The following MUC12 variants were observed in gnomAD, a reference collection of about 807,000 sequenced individuals.
The protein encoded by MUC12 is mucin-12.
A neutral mutation model predicts 230.8 loss-of-function variants in MUC12; 172 were observed. That is an observed-to-expected ratio of 0.75 (90% confidence interval 0.66 to 0.85). MUC12 has a LOEUF of 0.85. Among genes scored for constraint, MUC12 ranks in the 40% least tolerant of loss-of-function variants. The pLI is 0.00. For missense variants in MUC12, 3,506 were observed against 5,920.6 expected, an observed-to-expected ratio of 0.59 and a Z score of 13.38; for synonymous variants, 1,259 against 2,401.9, an observed-to-expected ratio of 0.52 and a Z score of 13.91.
At position 101,013,011 on chromosome 7, in the gene MUC12, T is replaced by C; in HGVS notation, c.15507T>C (p.Tyr5169=). 2 of 1,537,320 alleles carry C rather than the reference T, an allele frequency of 1.3e-6. No homozygotes were observed. Among genetic ancestry groups the C allele is most frequent in the East Asian group, 4.9e-5 (2 of 40,922 alleles). The change falls in exon 8 of 12, where the codon TAT becomes TAC. Residue 5169 remains tyrosine, a synonymous_variant. Transcript: ENST00000536621. The part of the protein sequence containing the change: ...EQCTQKAAEG[Y]TQFYYVDVLD... The stretch of plus-strand genomic sequence containing the variant: ...GCACCCAGAAGGCTGCCGAAGGATA[T>C]ACCCAGTTCTACTATGTGGATGTCT...
At chr7:100,975,349 G>T (rs1295258896) in intron 1 of MUC12, among the ~76,000 whole-genome samples, 1 of 152,312 alleles carries the variant, frequency 6.6e-6, no homozygotes, top group African/African-American at 2.4e-5. Flanking sequence ...AGCTTAGAAA[G>T]GTGAAGCTGG....
chr7:101,012,442 G>A lies in MUC12; in HGVS notation c.15398G>A (p.Cys5133Tyr), dbSNP rs1793852138. 1 of 1,537,704 alleles carries A rather than the reference G, an allele frequency of 6.5e-7. No homozygotes were observed. Among genetic ancestry groups the A allele is most frequent in the Admixed American group, 2.0e-5 (1 of 50,968 alleles). Residue 5133 changes from cysteine (C) to tyrosine (Y), a missense_variant, in exon 6 of 12, where the codon TGC (cysteine) becomes TAC (tyrosine). Coordinates refer to ENST00000536621, the MANE Select transcript of MUC12 (RefSeq NM_001164462.2). The part of the protein sequence containing the change: ...TRTTLLDPDS[C>Y]RKAILCYSEE... ...ACAACTCTTCTTGATCCTGATTCCT[G>A]CAGAAGTAAGCTCACCTAAAACCCC...
At chr7:100,971,185 A>C (rs111931804) in intron 1 of MUC12, among the ~76,000 whole-genome samples, 14 of 1,170 alleles carry the variant, frequency 0.012, no homozygotes, top group East Asian at 0.1. Flanking sequence ...AACAAACAAA[A>C]AAAAAACAAA....
intron 1 of MUC12, among the ~76,000 whole-genome samples, chr7:100,975,747 GAAGT>G (rs1477506508): frequency 2.0e-5 from 3 of 152,248 alleles, no homozygotes; most frequent in Non-Finnish European, 4.4e-5. Context: ...GGACAGGAAG[GAAGT>G]ATTATATTAA....
chr7:100,991,249 G>A lies in MUC12; in HGVS notation c.686G>A (p.Gly229Asp). 2 of 1,537,230 alleles carry A rather than the reference G, an allele frequency of 1.3e-6. No individual in the cohort carries two copies. Among genetic ancestry groups the A allele is most frequent in the South Asian group, 1.2e-5 (1 of 84,018 alleles). Reference protein sequence around the residue: ...PESTTFHSSPGYTKTTRLPDN... With the variant: ...PESTTFHSSPDYTKTTRLPDN... The stretch of plus-strand genomic sequence containing the variant: ...TCTACTACCTTCCACAGCAGCCCAG[G>A]CTACACTAAAACAACACGCTTACCT... Residue 229 changes from glycine (G) to aspartate (D), a missense_variant, in exon 2 of 12, where the codon GGC becomes GAC. Coordinates refer to ENST00000536621, the MANE Select transcript of MUC12 (RefSeq NM_001164462.2).
intron 1 of MUC12, among the ~76,000 whole-genome samples, chr7:100,985,011 C>T (rs1793167362): frequency 6.6e-6 from 1 of 152,028 alleles, no homozygotes; most frequent in Non-Finnish European, 1.5e-5. Context: ...GGATTACAGG[C>T]ACCCGCCACC....
At chr7:100,981,404 GC>G in intron 1 of MUC12, 1 of 640,930 alleles carries the variant, frequency 1.6e-6, no homozygotes, top group South Asian at 1.7e-5. Flanking sequence ...GAGTTTGCTA[GC>G]CCAGGGGACG....
chr7:101,005,554 C>T (rs763570820), intron 2 of MUC12, 35 bp downstream of exon 2: 185 of 1,513,224 alleles, frequency 1.2e-4, no homozygotes, highest in Non-Finnish European at 1.5e-4. Context: ...CGTTTAGCTT[C>T]TTCTCCAGGC....
intron 1 of MUC12, among the ~76,000 whole-genome samples, chr7:100,973,961 C>T (rs1017918870): frequency 1.3e-5 from 2 of 151,598 alleles, no homozygotes; most frequent in Admixed American, 6.6e-5. Context: ...GAGACCAGCT[C>T]GGGCAACATA....
At chr7:100,969,810 ACAGGGCT>A in intron 1 of MUC12, 121 bp downstream of exon 1, 1 of 1,410,538 alleles carries the variant, frequency 7.1e-7, no homozygotes, top group Non-Finnish European at 9.6e-7. Flanking sequence ...AGGGGCTGCC[ACAGGGCT>A]GGAGACCCGT....
chr7:100,982,425 T>C (rs995907336), intron 1 of MUC12, among the ~76,000 whole-genome samples: 13 of 151,102 alleles, frequency 8.6e-5, no homozygotes, highest in Non-Finnish European at 1.9e-4. Context: ...GTAAAAGTCA[T>C]TTTTCTTTTC....
intron 10 of MUC12, 189 bp from the exon 11 acceptor site, chr7:101,017,386 G>A (rs1793947881): frequency 1.8e-6 from 1 of 555,718 alleles, no homozygotes; most frequent in South Asian, 2.2e-5. Flanking sequence ...GGTCCAGCGG[G>A]CGGCTCCCCA....
rs1793633693 is a variant in MUC12 at position 101,002,898 on chromosome 7, G to A, written c.12335G>A (p.Ser4112Asn). ...TCCACAACCTACCACAGCCGCCCGA[G>A]CTCAACTCCAACAACACACTTTTCT... Reference protein sequence around the residue: ...EVSTTYHSRPSSTPTTHFSAS... With the variant: ...EVSTTYHSRPNSTPTTHFSAS... The change falls in exon 2 of 12, where the codon AGC (serine) becomes AAC (asparagine). Residue 4112 changes from serine (S) to asparagine (N), a missense_variant. By Grantham distance (46) the Ser-to-Asn change is conservative. Transcript: ENST00000536621. 1 of 1,208,860 alleles carries A rather than the reference G, an allele frequency of 8.3e-7. No individual in the cohort carries two copies. The highest frequency in any genetic ancestry group is 1.1e-6 in the Non-Finnish European group (1 of 875,244). The allele number at this position is 1,208,860 out of a possible 1,614,324, so 74.9% of individuals were successfully genotyped here.
Position 100,991,551 on chromosome 7 carries a change from T to G in MUC12, c.988T>G (p.Ser330Ala). 1 of 1,537,322 alleles carries G rather than the reference T, an allele frequency of 6.5e-7. No individual in the cohort carries two copies. Among genetic ancestry groups the G allele is most frequent in the Non-Finnish European group, 8.7e-7 (1 of 1,146,618 alleles). ...CACAACCTTGGGCCATAGTGAGGAATCGACACCAGTCCACAGCAGCCCAGT... is the reference window on the plus strand; with the variant it reads ...CACAACCTTGGGCCATAGTGAGGAAGCGACACCAGTCCACAGCAGCCCAGT... ...SSTTLGHSEESTPVHSSPVAT... is the reference protein window; with the variant it reads ...SSTTLGHSEEATPVHSSPVAT... The change falls in exon 2 of 12, where the codon TCG (serine) becomes GCG (alanine). Residue 330 changes from serine (S) to alanine (A), a missense_variant. Coordinates refer to ENST00000536621, the MANE Select transcript of MUC12 (RefSeq NM_001164462.2).
In MUC12 at chr7:100,992,105, C is replaced by T. The variant is rs377054311; in HGVS notation, c.1542C>T (p.Ser514=). 1.3e-6 allele frequency: 2 copies of T among 1,537,398 alleles called. No individual in the cohort carries two copies. Among genetic ancestry groups the T allele is most frequent in the Non-Finnish European group, 1.7e-6 (2 of 1,146,738 alleles). Residue 514 remains serine, a synonymous_variant, in exon 2 of 12, where the codon AGC becomes AGT. Transcript: ENST00000536621. ...CACACTTACCTGCCAGCATGACAAG[C>T]TCAGGCGTCAGTGAAGAATCCACCA... ...DTTHLPASMT[S]SGVSEESTTS... is the part of the protein sequence containing the mutation.
At chr7:101,006,781 T>G (rs1049790757) in intron 3 of MUC12, among the ~76,000 whole-genome samples, 2 of 152,056 alleles carry the variant, frequency 1.3e-5, no homozygotes, top group Non-Finnish European at 2.9e-5. Flanking sequence ...GTCGATTTTT[T>G]TTAATTTTTA....
At chr7:101,014,235 C>A in intron 9 of MUC12, 161 bp downstream of exon 9, 1 of 727,736 alleles carries the variant, frequency 1.4e-6, no homozygotes, top group Non-Finnish European at 2.1e-6. Context: ...CTGGGTGCAG[C>A]AAAGGGCGGC....
At chr7:101,015,823 T>C (rs55869514) in intron 10 of MUC12, 132 bp downstream of exon 10, 383,436 of 737,174 alleles carry the variant, frequency 0.52, 101,347 homozygotes, top group East Asian at 0.6. Context: ...GCCCGTTCCC[T>C]ACCTGCCGCT....
At position 100,969,605 on chromosome 7, in the gene MUC12, G is replaced by A. The variant is rs1294588878; in HGVS notation, c.-18G>A. The A allele has an allele frequency of 3.9e-6, 6 of 1,537,446 alleles. No homozygotes were observed. The highest frequency in any genetic ancestry group is 1.2e-5 in the South Asian group (1 of 84,070). On this transcript the variant is annotated 5_prime_UTR_variant, in exon 1 of 12. Coordinates refer to ENST00000536621, the MANE Select transcript of MUC12 (RefSeq NM_001164462.2). ...CTGATGAGAGAAGATGGGCAGCCAG[G>A]GGCCCGTTCCCCGGGAGATGCTGGT...
Sources: allele counts gnomAD v4.1 joint callset (sites outside exome capture counted in the v4.1 genomes callset), GRCh38; gene constraint gnomAD v4.1.1; transcripts MANE v1.5; gene names NCBI Gene and HGNC (gene_info 2026-07-23, HGNC 2026-07-21).